The following CEACAM16 variants were observed in gnomAD, a reference collection of about 807,000 sequenced individuals.
CEACAM16 encodes CEA cell adhesion molecule 16, tectorial membrane component.
CEACAM16 carries 30 observed loss-of-function variants against 39.4 expected under a neutral mutation model. The observed-to-expected ratio is 0.76, with a 90% confidence interval of 0.57 to 1.03. The LOEUF (loss-of-function observed/expected upper bound fraction) is 1.03, where lower values mean the gene tolerates loss of function less well. Among genes scored for constraint, CEACAM16 ranks in the 50% least tolerant of loss-of-function variants. The probability of loss-of-function intolerance (pLI) is 0.00; values close to 1 mark genes in which losing one functional copy is unlikely to be tolerated. For synonymous variants in CEACAM16, 262 were observed against 264.9 expected (o/e 0.99, Z 0.11); for missense variants, 521 against 585.3 (o/e 0.89, Z 1.13).
chr19:44,701,411 T>G lies in CEACAM16; in HGVS notation c.-46T>G, dbSNP rs752732933. 3 of 1,552,818 alleles carry G rather than the reference T, an allele frequency of 1.9e-6. No individual in the cohort carries two copies. The highest frequency in any genetic ancestry group is 2.6e-6 in the Non-Finnish European group (3 of 1,146,974). On this transcript the variant is annotated 5_prime_UTR_variant, in exon 2 of 7. Transcript: ENST00000587331. This position sits in a 1 kb window ranked among gnomAD's most constrained non-coding sequence, Gnocchi z 4.0. ...CCAACCAGGAAGGGAGTCCGAGCACTGGGACTTCAACGCCACCATCTCCAA... is the reference window on the plus strand; with the variant it reads ...CCAACCAGGAAGGGAGTCCGAGCACGGGGACTTCAACGCCACCATCTCCAA...
At position 44,701,116 on chromosome 19, in the gene CEACAM16, C is replaced by T. The variant is rs746579666; in HGVS notation, c.-96-245C>T. Among the ~76,000 whole-genome samples, 17 of 152,198 alleles carry T rather than the reference C, an allele frequency of 1.1e-4. No individual in the cohort carries two copies. Among genetic ancestry groups the T allele is most frequent in the Non-Finnish European group, 1.9e-4 (13 of 68,032 alleles). ...GCCTGGGTGGTTGGTAAGAACTACC[C>T]GAAAACCTTCCCCTACTTTTCCTCT... is the stretch of plus-strand genomic sequence containing the variant. On this transcript the variant is annotated intron_variant, in intron 1 of 6. Transcript: ENST00000587331. The surrounding 1 kb of genome is among the most constrained non-coding windows in gnomAD (Gnocchi z 4.0).
At chr19:44,702,073 A>G (rs1270284941) in intron 2 of CEACAM16, among the ~76,000 whole-genome samples, 1 of 152,126 alleles carries the variant, frequency 6.6e-6, no homozygotes, top group African/African-American at 2.4e-5. Flanking sequence ...CGGGCGGATC[A>G]CCTGAGGTCA....
At chr19:44,709,234 C>G (rs887455006) in intron 6 of CEACAM16, among the ~76,000 whole-genome samples, 1 of 151,036 alleles carries the variant, frequency 6.6e-6, no homozygotes, top group South Asian at 2.1e-4. Context: ...ATGTCTCCCT[C>G]GTCAGACTGG....
intron 5 of CEACAM16, among the ~76,000 whole-genome samples, chr19:44,706,295 C>CACACACACACAT (rs1974447994): frequency 8.4e-6 from 1 of 119,352 alleles, no homozygotes; most frequent in Non-Finnish European, 1.8e-5. Context: ...CACACACACA[C>CACACACACACAT]ACACACACAC....
In CEACAM16 at chr19:44,705,819, C is replaced by T. The variant is rs1974437942; in HGVS notation, c.891C>T (p.Asn297=). 6.2e-7 allele frequency: 1 copy of T among 1,613,856 alleles called. No homozygotes were observed. Among genetic ancestry groups the T allele is most frequent in the Non-Finnish European group, 8.5e-7 (1 of 1,179,880 alleles). ...QEGTYTCIAK[N]TKTLLSGSAS... is the part of the protein sequence containing the mutation. ...GGACGTACACATGTATTGCGAAGAA[C>T]ACCAAGACCCTGCTATCTGGATCTG... is the stretch of plus-strand genomic sequence containing the variant. The change falls in exon 5 of 7, where the codon AAC becomes AAT. Residue 297 remains asparagine, a synonymous_variant. Transcript: ENST00000587331.
intron 6 of CEACAM16, among the ~76,000 whole-genome samples, chr19:44,708,973 C>A (rs1275830116): frequency 6.6e-6 from 1 of 150,972 alleles, no homozygotes; most frequent in Non-Finnish European, 1.5e-5. Flanking sequence ...TGTTGGGAAC[C>A]GTGTCTCCCC....
intron 1 of CEACAM16, among the ~76,000 whole-genome samples, chr19:44,700,392 C>T (rs1275071397): frequency 6.6e-6 from 1 of 152,162 alleles, no homozygotes; most frequent in Non-Finnish European, 1.5e-5. Flanking sequence ...CCCATCTCAG[C>T]CTCCCAAAGT....
Position 44,702,365 on chromosome 19 carries a change from G to A in CEACAM16, c.37+872G>A, listed in dbSNP as rs945168573. Among the ~76,000 whole-genome samples, 6 of 152,068 alleles carry A rather than the reference G, an allele frequency of 3.9e-5. 1 individual carries two copies. Among genetic ancestry groups the A allele is most frequent in the South Asian group, 4.1e-4 (2 of 4,826 alleles). On this transcript the variant is annotated intron_variant, in intron 2 of 6. Coordinates refer to ENST00000587331, the MANE Select transcript of CEACAM16 (RefSeq NM_001039213.4). The stretch of plus-strand genomic sequence containing the variant: ...GAACCGCACTTCATAGGGAGAAAAC[G>A]AGGCTCAGAAAGGTGAAACCATTGG...
At chr19:44,705,446 T>A in intron 4 of CEACAM16, 144 bp from the exon 5 acceptor site, 1 of 712,588 alleles carries the variant, frequency 1.4e-6, no homozygotes, top group South Asian at 2.5e-5. Flanking sequence ...TAGAACAAGT[T>A]AGAGTTAAGG....
In CEACAM16 at chr19:44,701,029, T is replaced by C. The variant is rs1266559343; in HGVS notation, c.-96-332T>C. On this transcript the variant is annotated intron_variant, in intron 1 of 6. Transcript: ENST00000587331. The surrounding 1 kb of genome is among the most constrained non-coding windows in gnomAD (Gnocchi z 4.0). ...CTGCACTGGGTGGGGCTGGGAAAGG[T>C]GCAGTCACCTTTTACTGATTTTCTT... Among the ~76,000 whole-genome samples, 1 of 152,202 alleles carries C rather than the reference T, an allele frequency of 6.6e-6. No individual in the cohort carries two copies. Among genetic ancestry groups the C allele is most frequent in the Non-Finnish European group, 1.5e-5 (1 of 68,020 alleles).
intron 2 of CEACAM16, among the ~76,000 whole-genome samples, chr19:44,702,576 G>A (rs1974364811): frequency 6.6e-6 from 1 of 152,264 alleles, no homozygotes; most frequent in African/African-American, 2.4e-5. Flanking sequence ...AACCCAAGCA[G>A]CCCCGACCAG....
At chr19:44,710,423 T>TG (rs1974518748) in intron 6 of CEACAM16, 73 bp from the exon 7 acceptor site, 4 of 1,543,162 alleles carry the variant, frequency 2.6e-6, no homozygotes, top group Admixed American at 1.7e-5. Flanking sequence ...GCAGAAGGGG[T>TG]GGGGGCACTG....
intron 5 of CEACAM16, 63 bp downstream of exon 5, chr19:44,705,931 T>C: frequency 6.5e-7 from 1 of 1,539,722 alleles, no homozygotes; most frequent in Non-Finnish European, 8.8e-7. Context: ...GCTGCGAAGG[T>C]TAAGCCACCA....
chr19:44,710,409 G>T, intron 6 of CEACAM16, 87 bp from the exon 7 acceptor site: 1 of 1,483,292 alleles, frequency 6.7e-7, no homozygotes, highest in Non-Finnish European at 9.2e-7. Context: ...GGGTGGGCAG[G>T]GGAGCAGAAG....
chr19:44,704,218 G>A lies in CEACAM16; in HGVS notation c.583G>A (p.Glu195Lys), dbSNP rs758180607. The A allele has an allele frequency of 6.4e-7, 1 of 1,551,238 alleles. No individual in the cohort carries two copies. Among genetic ancestry groups the A allele is most frequent in the South Asian group, 1.2e-5 (1 of 84,154 alleles). ...VLARHGIRRE[E>K]AGAYQCEVWN... ...GGCCAGGCATGGCATCCGCCGGGAG[G>A]AGGCCGGCGCCTATCAGTGTGAGGT... Residue 195 changes from glutamate to lysine, a missense_variant, in exon 4 of 7, where the codon GAG becomes AAG. Transcript: ENST00000587331.
intron 6 of CEACAM16, 89 bp from the exon 7 acceptor site, chr19:44,710,407 A>G: frequency 7.0e-7 from 1 of 1,423,506 alleles, no homozygotes; most frequent in Non-Finnish European, 9.6e-7. Flanking sequence ...CGGGGTGGGC[A>G]GGGGAGCAGA....
intron 4 of CEACAM16, among the ~76,000 whole-genome samples, chr19:44,704,796 A>G (rs1165263042): frequency 2.0e-5 from 3 of 152,114 alleles, no homozygotes; most frequent in Non-Finnish European, 4.4e-5. Context: ...CACTTGCCCC[A>G]TATCCTAAAG....
chr19:44,708,297 C>T, intron 6 of CEACAM16, 110 bp downstream of exon 6: 2 of 1,115,084 alleles, frequency 1.8e-6, no homozygotes, highest in South Asian at 1.8e-5. Context: ...GATGGATACC[C>T]ATCCCCCATC....
rs201593262 is a variant in CEACAM16 at position 44,703,445 on chromosome 19, C to T, written c.134C>T (p.Ser45Leu). The change falls in exon 3 of 7, where the codon TCG (serine) becomes TTG (leucine). Residue 45 changes from serine (S) to leucine (L), a missense_variant. Transcript: ENST00000587331. ...GTCACGCTGGTCGTCCATGGGCTTT[C>T]GGGGGAACTGCTCGCCTACAGCTGG... ...DNVTLVVHGL[S>L]GELLAYSWYA... 4.2e-5 allele frequency: 68 copies of T among 1,613,716 alleles called. No individual in the cohort carries two copies. In the African/African-American group the frequency reaches 7.7e-4, roughly 18 times the overall value.
Sources: allele counts gnomAD v4.1 joint callset (sites outside exome capture counted in the v4.1 genomes callset), GRCh38; gene constraint gnomAD v4.1.1; non-coding constraint Gnocchi (gnomAD v3.1); transcripts MANE v1.5; gene names NCBI Gene and HGNC (gene_info 2026-07-23, HGNC 2026-07-21).